Variants in HELZ observed in about 807,000 individuals in gnomAD.
HELZ encodes the protein helicase with zinc finger, also known as ATP-dependent RNA helicase with zinc finger domain.
In HELZ, 23 loss-of-function variants were observed where a neutral mutation model predicts 218.2. The ratio of observed to expected loss-of-function variants is 0.11; its 90% CI spans 0.08 to 0.15. HELZ has a LOEUF of 0.15. Ranked by LOEUF, HELZ falls within the 10% of genes least tolerant of loss-of-function variation. The probability of loss-of-function intolerance (pLI) is 1.00; values close to 1 mark genes in which losing one functional copy is unlikely to be tolerated. For missense variants in HELZ, 1,813 were observed against 2,353.7 expected, an observed-to-expected ratio of 0.77 and a Z score of 4.75; for synonymous variants, 814 against 829.4, an observed-to-expected ratio of 0.98 and a Z score of 0.32.
intron 3 of HELZ, among the ~76,000 whole-genome samples, chr17:67,235,326 G>A (rs987592815): frequency 2.0e-5 from 3 of 152,090 alleles, no homozygotes; most frequent in African/African-American, 4.8e-5. Flanking sequence ...ACAACATGGT[G>A]AAACCCCGTC....
intron 31 of HELZ, among the ~76,000 whole-genome samples, chr17:67,093,763 T>C (rs985395420): frequency 1.1e-4 from 17 of 152,122 alleles, no homozygotes; most frequent in African/African-American, 4.1e-4. Context: ...AATCACCTCT[T>C]GCCTAGATAA....
chr17:67,094,064 G>C (rs1405958394), intron 31 of HELZ, among the ~76,000 whole-genome samples: 1 of 152,208 alleles, frequency 6.6e-6, no homozygotes, highest in Admixed American at 6.5e-5. Context: ...GAAACAGCAT[G>C]TAGTCCCAGC....
intron 31 of HELZ, among the ~76,000 whole-genome samples, chr17:67,105,549 A>T (rs958228980): frequency 1.3e-5 from 2 of 152,252 alleles, no homozygotes; most frequent in African/African-American, 4.8e-5. Flanking sequence ...ACTGTATAAC[A>T]TTGTGAATAC....
At chr17:67,084,939 C>T (rs992865221) in intron 32 of HELZ, among the ~76,000 whole-genome samples, 9 of 152,056 alleles carry the variant, frequency 5.9e-5, no homozygotes, top group Non-Finnish European at 1.3e-4. Context: ...AGCCCCGCCT[C>T]TACTAAAAAT....
chr17:67,215,045 G>C (rs1325643182), intron 5 of HELZ, among the ~76,000 whole-genome samples: 2 of 152,114 alleles, frequency 1.3e-5, no homozygotes, highest in East Asian at 3.9e-4. Flanking sequence ...TTGCAAGGCT[G>C]AGGCAGGAGG....
At position 67,108,606 on chromosome 17, in the gene HELZ, T is replaced by C; in HGVS notation, c.4610A>G (p.His1537Arg). 1 of 1,613,946 alleles carries C rather than the reference T, an allele frequency of 6.2e-7. No individual in the cohort carries two copies. The highest frequency in any genetic ancestry group is 1.1e-5 in the South Asian group (1 of 91,082). Residue 1537 changes from histidine to arginine, a missense_variant, in exon 30 of 33, where the codon CAT (histidine) becomes CGT (arginine). Physicochemically the swap from His to Arg is conservative, Grantham distance 29 (BLOSUM62 0). Coordinates refer to ENST00000358691, the MANE Select transcript of HELZ (RefSeq NM_014877.4). The surrounding 1 kb of genome is among the most constrained non-coding windows in gnomAD (Gnocchi z 4.1). ...QGSAPYPHHH[H>R]PHLQHLPQPP... Reference sequence around the variant, plus strand: ...CTGAGGAAGATGCTGGAGGTGAGGATGGTGATGGTGTGGGTATGGAGCGCT... The same window carrying C: ...CTGAGGAAGATGCTGGAGGTGAGGACGGTGATGGTGTGGGTATGGAGCGCT...
Position 67,211,383 on chromosome 17 carries a change from T to C in HELZ, c.247+4516A>G, listed in dbSNP as rs138630824. ...GTTATGCAGTCTTGATCTTATTTTTTAGAGAGGCATACTGAAGTATTTAGG... is the reference window on the plus strand; with the variant it reads ...GTTATGCAGTCTTGATCTTATTTTTCAGAGAGGCATACTGAAGTATTTAGG... On this transcript the variant is annotated intron_variant, in intron 5 of 32. Transcript: ENST00000358691. Among the ~76,000 whole-genome samples the C allele has an allele frequency of 6.7e-4, 102 of 152,316 alleles. No homozygotes were observed. The East Asian group carries it at 0.017, about 26-fold the overall frequency.
intron 20 of HELZ, among the ~76,000 whole-genome samples, 164 bp downstream of exon 20, chr17:67,148,405 T>A (rs1337866004): frequency 1.3e-5 from 2 of 152,252 alleles, no homozygotes; most frequent in Non-Finnish European, 2.9e-5. Context: ...CTCTGACTTC[T>A]GAAGTTTTCT....
chr17:67,178,882 C>T lies in HELZ; in HGVS notation c.1207G>A (p.Ala403Thr), dbSNP rs1295999234. The T allele has an allele frequency of 6.2e-7, 1 of 1,612,530 alleles. No homozygotes were observed. Among genetic ancestry groups the T allele is most frequent in the Admixed American group, 1.7e-5 (1 of 59,968 alleles). ...MHAKQQLVTT[A>T]KRWDSSSKTI... is the part of the protein sequence containing the mutation. The stretch of plus-strand genomic sequence containing the variant: ...TTAGAGGAAGAATCCCAACGTTTAG[C>T]TGTGGTTACTAGCTGCTGTTTTGCA... The change falls in exon 13 of 33, where the codon GCT (alanine) becomes ACT (threonine). Residue 403 changes from alanine to threonine, a missense_variant. By Grantham distance (58) the Ala-to-Thr change is moderately conservative. Coordinates refer to ENST00000358691, the MANE Select transcript of HELZ (RefSeq NM_014877.4).
chr17:67,215,872 T>G (rs2040586911), intron 5 of HELZ, 27 bp downstream of exon 5: 1 of 1,445,220 alleles, frequency 6.9e-7, no homozygotes, highest in Admixed American at 1.7e-5. Flanking sequence ...TTCAATTCAA[T>G]AATTCGAGTC....
At chr17:67,148,003 T>A (rs2038558250) in intron 20 of HELZ, among the ~76,000 whole-genome samples, 1 of 152,180 alleles carries the variant, frequency 6.6e-6, no homozygotes, top group Non-Finnish European at 1.5e-5. Context: ...AACCAGTAAA[T>A]GTAAATAACT....
Position 67,094,534 on chromosome 17 carries a change from T to A in HELZ, c.5242-7453A>T, listed in dbSNP as rs8074098. Among the ~76,000 whole-genome samples the A allele has an allele frequency of 4.5e-3, 678 of 152,134 alleles. 5 individuals are homozygous for A. Among genetic ancestry groups the A allele is most frequent in the African/African-American group, 0.015 (634 of 41,448 alleles). On this transcript the variant is annotated intron_variant, in intron 31 of 32. Transcript: ENST00000358691. ...ACAGCTAATACTGCAATAATGTGAG[T>A]CACGTAAATTTTTTGGTTTTCCAGT...
intron 3 of HELZ, among the ~76,000 whole-genome samples, chr17:67,221,950 T>G (rs746689): frequency 0.093 from 14,122 of 151,882 alleles, 1,746 homozygotes; most frequent in African/African-American, 0.28. Flanking sequence ...TCATCCTCCT[T>G]CCTTGGCCTC....
At chr17:67,118,691 G>A (rs563338184) in intron 27 of HELZ, among the ~76,000 whole-genome samples, 1,123 of 8,574 alleles carry the variant, frequency 0.13, 21 homozygotes, top group African/African-American at 0.28. Flanking sequence ...TCTTTAAAAG[G>A]CAAAAAAAAA....
At chr17:67,181,197 A>C (rs979974118) in intron 12 of HELZ, among the ~76,000 whole-genome samples, 1 of 152,234 alleles carries the variant, frequency 6.6e-6, no homozygotes, top group Non-Finnish European at 1.5e-5. Flanking sequence ...CTTTAAAAAA[A>C]TTAATTCAGA....
At chr17:67,157,909 A>G (rs1323338210) in intron 17 of HELZ, among the ~76,000 whole-genome samples, 1 of 152,202 alleles carries the variant, frequency 6.6e-6, no homozygotes, top group Non-Finnish European at 1.5e-5. Flanking sequence ...CAAAGCCATA[A>G]ATCTGCCAGA....
intron 23 of HELZ, among the ~76,000 whole-genome samples, chr17:67,134,977 CTT>C (rs766283800): frequency 2.0e-4 from 28 of 140,660 alleles, no homozygotes; most frequent in Admixed American, 2.1e-4. Flanking sequence ...TGTTCGACTG[CTT>C]TTTTTTTTTT....
chr17:67,094,930 TTGC>T (rs2036697062), intron 31 of HELZ, among the ~76,000 whole-genome samples: 1 of 152,224 alleles, frequency 6.6e-6, no homozygotes, highest in African/African-American at 2.4e-5. Flanking sequence ...AGGGTGGTGG[TTGC>T]TGAAGGCTGA....
At chr17:67,209,325 C>T (rs1242896924) in intron 5 of HELZ, among the ~76,000 whole-genome samples, 2 of 151,994 alleles carry the variant, frequency 1.3e-5, no homozygotes, top group African/African-American at 2.4e-5. Flanking sequence ...AGGCCGGACG[C>T]GGTGGCTCAC....
Sources: gnomAD v4.1 joint callset for allele counts (sites outside exome capture counted in the v4.1 genomes callset) on GRCh38, gnomAD v4.1.1 for gene constraint, Gnocchi (gnomAD v3.1) non-coding constraint, MANE v1.5 for transcripts, NCBI Gene and HGNC (gene_info 2026-07-23, HGNC 2026-07-21) for gene names.